The following PRKAG2 variants were observed in gnomAD, a reference collection of about 807,000 sequenced individuals.
The protein encoded by PRKAG2 is protein kinase AMP-activated non-catalytic subunit gamma 2, also known as 5'-AMP-activated protein kinase subunit gamma-2.
In PRKAG2, 26 loss-of-function variants were observed where a neutral mutation model predicts 69.6. The observed-to-expected ratio is 0.37, with a 90% CI of 0.27 to 0.52. The LOEUF (loss-of-function observed/expected upper bound fraction) is 0.52. Among genes scored for constraint, PRKAG2 ranks in the 20% least tolerant of loss-of-function variants. PRKAG2 has a pLI of 0.90. For synonymous variants in PRKAG2, 293 were observed against 285.0 expected, an observed-to-expected ratio of 1.03 and a Z score of -0.28; for missense variants, 557 against 740.0, an observed-to-expected ratio of 0.75 and a Z score of 2.87.
At chr7:151,868,042 T>C (rs867018351) in intron 1 of PRKAG2, among the ~76,000 whole-genome samples, 2 of 152,076 alleles carry the variant, frequency 1.3e-5, no homozygotes, top group Non-Finnish European at 2.9e-5. Flanking sequence ...AGCAAACTGG[T>C]CTTTGTCGTG....
chr7:151,730,937 C>T (rs906917292), intron 3 of PRKAG2, among the ~76,000 whole-genome samples: 17 of 152,106 alleles, frequency 1.1e-4, no homozygotes, highest in African/African-American at 3.9e-4. Flanking sequence ...ATGTGGTCTC[C>T]GGTCTTACTG....
chr7:151,835,073 T>A lies in PRKAG2; in HGVS notation c.114+41434A>T, dbSNP rs2079117450. 6.6e-6 allele frequency among the ~76,000 whole-genome samples: 1 copy of A among 152,206 alleles called. No individual in the cohort carries two copies. The highest frequency in any genetic ancestry group is 1.5e-5 in the Non-Finnish European group (1 of 68,046). ...GTGGAAAAGGGCCAGCCTGCTCCAA[T>A]GTGGCCTCATCAAAACTCATCACAT... On this transcript the variant is annotated intron_variant, in intron 1 of 15. Transcript: ENST00000287878. The surrounding 1 kb of genome is among the most constrained non-coding windows in gnomAD (Gnocchi z 4.1).
chr7:151,663,517 C>T (rs1830616199), intron 4 of PRKAG2, among the ~76,000 whole-genome samples: 1 of 152,146 alleles, frequency 6.6e-6, no homozygotes, highest in Non-Finnish European at 1.5e-5. Flanking sequence ...CGTGCACCAC[C>T]AGCCCAGCTA....
intron 3 of PRKAG2, among the ~76,000 whole-genome samples, chr7:151,705,210 C>G (rs1446916342): frequency 6.6e-6 from 1 of 152,204 alleles, no homozygotes; most frequent in Non-Finnish European, 1.5e-5. Flanking sequence ...GGTTATCAAG[C>G]TGCTCTGGAA....
chr7:151,723,023 C>T (rs1797366520), intron 3 of PRKAG2, among the ~76,000 whole-genome samples: 1 of 152,148 alleles, frequency 6.6e-6, no homozygotes, highest in Admixed American at 6.5e-5. Flanking sequence ...CCCACTCCTC[C>T]CCTCCACCGC....
At position 151,870,154 on chromosome 7, in the gene PRKAG2, TAGGCAGGCAGGCAGGCAGGCAGGC is replaced by T. The variant is rs200063326; in HGVS notation, c.114+6329_114+6352del. ...ATAGATAGATAGATAGATAGATAGA[TAGGCAGGCAGGCAGGCAGGCAGGC>T]AGGCAGGCAGGCAGGCAGGCAGACA... On this transcript the variant is annotated intron_variant, in intron 1 of 15. Coordinates refer to ENST00000287878, the MANE Select transcript of PRKAG2 (RefSeq NM_016203.4). Among the ~76,000 whole-genome samples, 31 of 138,436 alleles carry T rather than the reference TAGGCAGGCAGGCAGGCAGGCAGGC, an allele frequency of 2.2e-4. No homozygotes were observed. The South Asian group carries it at 6.3e-3, about 28-fold the overall frequency. The allele number at this position is 138,436 out of a possible 152,430, so 90.8% of individuals were successfully genotyped here.
At chr7:151,669,367 TTA>T (rs1439265001) in intron 4 of PRKAG2, among the ~76,000 whole-genome samples, 4 of 152,238 alleles carry the variant, frequency 2.6e-5, no homozygotes, top group African/African-American at 9.6e-5. Context: ...CACAACGACC[TTA>T]TGTTACACAA....
At chr7:151,722,508 G>T (rs1797277102) in intron 3 of PRKAG2, among the ~76,000 whole-genome samples, 1 of 152,036 alleles carries the variant, frequency 6.6e-6, no homozygotes. Flanking sequence ...CCTCCCCAGG[G>T]GTCTCCTCGT....
chr7:151,706,490 C>T (rs535788838), intron 3 of PRKAG2, among the ~76,000 whole-genome samples: 1 of 152,158 alleles, frequency 6.6e-6, no homozygotes, highest in African/African-American at 2.4e-5. Flanking sequence ...CAGTGCCTTG[C>T]TGTAAAGATT....
intron 5 of PRKAG2, among the ~76,000 whole-genome samples, chr7:151,612,238 C>T (rs1042690691): frequency 1.1e-4 from 17 of 152,162 alleles, no homozygotes; most frequent in Non-Finnish European, 1.9e-4. Flanking sequence ...TGAACCTGCC[C>T]GCAGGTTTGG....
At chr7:151,865,921 G>A (rs1003153368) in intron 1 of PRKAG2, among the ~76,000 whole-genome samples, 3 of 151,714 alleles carry the variant, frequency 2.0e-5, no homozygotes, top group African/African-American at 7.3e-5. Flanking sequence ...TCGGGAGGCT[G>A]AGGCAGGAGA....
At chr7:151,660,484 T>C (rs1360026438) in intron 4 of PRKAG2, among the ~76,000 whole-genome samples, 1 of 152,238 alleles carries the variant, frequency 6.6e-6, no homozygotes. Context: ...TGGTATATAA[T>C]AAATGCTCTC....
chr7:151,657,262 C>G (rs1409890195), intron 4 of PRKAG2, among the ~76,000 whole-genome samples: 1 of 152,136 alleles, frequency 6.6e-6, no homozygotes, highest in Non-Finnish European at 1.5e-5. Context: ...CAAACATCGC[C>G]TATGGAAGAA....
intron 3 of PRKAG2, among the ~76,000 whole-genome samples, chr7:151,759,652 A>G (rs1397860492): frequency 2.6e-5 from 4 of 152,198 alleles, no homozygotes; most frequent in Non-Finnish European, 4.4e-5. Context: ...GGCAGGAACG[A>G]TACCTGCTGC....
rs115709264 is a variant in PRKAG2, at chr7:151,560,909, T to G, written c.1585-292A>C. Among the ~76,000 whole-genome samples, 181 of 152,018 alleles carry G rather than the reference T, an allele frequency of 1.2e-3. 1 individual carries two copies. The highest frequency in any genetic ancestry group is 4.1e-3 in the African/African-American group (169 of 41,452). ...GCTTGGGTGACAGAGTGAGATCCTG[T>G]CTCAGAAAAAGAAAAAAGCAACACA... is the stretch of plus-strand genomic sequence containing the variant. On this transcript the variant is annotated intron_variant, in intron 14 of 15. Transcript: ENST00000287878.
Position 151,807,490 on chromosome 7 carries a change from T to C in PRKAG2, c.115-20949A>G, listed in dbSNP as rs375561576. 4 of 457,850 alleles carry C rather than the reference T, an allele frequency of 8.7e-6. No homozygotes were observed. The highest frequency in any genetic ancestry group is 1.4e-4 in the East Asian group (2 of 14,392). The allele number at this position is 457,850 out of a possible 1,614,324, so 28.4% of individuals were successfully genotyped here. A position where few individuals can be genotyped will look rare whatever the true frequency, so the allele number is the denominator to read the frequency against. On this transcript the variant is annotated intron_variant, in intron 1 of 15. Coordinates refer to ENST00000287878, the MANE Select transcript of PRKAG2 (RefSeq NM_016203.4). This position sits in a 1 kb window ranked among gnomAD's most constrained non-coding sequence, Gnocchi z 4.4. Reference sequence around the variant, plus strand: ...AAAGCACCATGGCGTGTTACACCTATCAGATCGGGCACACTGCCCCTTCTT... The same window carrying C: ...AAAGCACCATGGCGTGTTACACCTACCAGATCGGGCACACTGCCCCTTCTT...
chr7:151,558,140 G>A (rs1804173588), intron 15 of PRKAG2: 2 of 985,270 alleles, frequency 2.0e-6, no homozygotes, highest in Non-Finnish European at 2.4e-6. Flanking sequence ...GCACACATGG[G>A]TTCATTTGGA....
chr7:151,815,134 G>A (rs542695810), intron 1 of PRKAG2, among the ~76,000 whole-genome samples: 2 of 152,270 alleles, frequency 1.3e-5, no homozygotes, highest in South Asian at 4.1e-4. Context: ...CCAGAAGGAT[G>A]GGTATGGCTT....
rs1303203038 is a variant in PRKAG2, at chr7:151,583,648, C to T, written c.865-7196G>A. The stretch of plus-strand genomic sequence containing the variant: ...ATAAACAGGATACAAAGAGGACTAA[C>T]ACAATCTAGTTCTAATTTGCAGGAA... On this transcript the variant is annotated intron_variant, in intron 6 of 15. Transcript: ENST00000287878. This position sits in a 1 kb window ranked among gnomAD's most constrained non-coding sequence, Gnocchi z 4.1. Among the ~76,000 whole-genome samples, 1 of 152,176 alleles carries T rather than the reference C, an allele frequency of 6.6e-6. No homozygotes were observed. The highest frequency in any genetic ancestry group is 1.9e-4 in the East Asian group (1 of 5,194).
Sources: gnomAD v4.1 joint callset for allele counts (sites outside exome capture counted in the v4.1 genomes callset) on GRCh38, gnomAD v4.1.1 for gene constraint, Gnocchi (gnomAD v3.1) non-coding constraint, MANE v1.5 for transcripts, NCBI Gene and HGNC (gene_info 2026-07-23, HGNC 2026-07-21) for gene names.